The following CSRNP3 variants were observed in gnomAD, a reference collection of about 807,000 sequenced individuals.
CSRNP3 encodes the protein cysteine/serine-rich nuclear protein 3.
CSRNP3 carries 12 observed loss-of-function variants against 48.0 expected under a neutral mutation model. The observed-to-expected ratio is 0.25, with a 90% confidence interval of 0.16 to 0.41. CSRNP3 has a LOEUF of 0.41. CSRNP3 is among the 10% of genes least tolerant of loss of function. The pLI, the probability that CSRNP3 is intolerant of heterozygous loss-of-function variation, is 1.00. For missense variants in CSRNP3, 580 were observed against 724.4 expected, an observed-to-expected ratio of 0.80 and a Z score of 2.29; for synonymous variants, 263 against 269.7, an observed-to-expected ratio of 0.98 and a Z score of 0.24.
At chr2:165,662,619 T>A (rs949936490) in intron 5 of CSRNP3, among the ~76,000 whole-genome samples, 1 of 152,226 alleles carries the variant, frequency 6.6e-6, no homozygotes, top group Non-Finnish European at 1.5e-5. Context: ...TATTCCCAAT[T>A]CACATGTATC....
At chr2:165,506,025 G>T (rs928426784) in intron 2 of CSRNP3, among the ~76,000 whole-genome samples, 1 of 152,120 alleles carries the variant, frequency 6.6e-6, no homozygotes, top group Non-Finnish European at 1.5e-5. Flanking sequence ...GGCCAAAATG[G>T]ATTGGGGGTT....
At chr2:165,665,664 A>G (rs1240924751) in intron 5 of CSRNP3, among the ~76,000 whole-genome samples, 1 of 151,724 alleles carries the variant, frequency 6.6e-6, no homozygotes, top group East Asian at 2.0e-4. Flanking sequence ...GAAGGTTGTG[A>G]TGAGTGCATC....
intron 6 of CSRNP3, among the ~76,000 whole-genome samples, chr2:165,678,053 G>A (rs1050772987): frequency 5.9e-5 from 9 of 152,128 alleles, no homozygotes; most frequent in Non-Finnish European, 1.0e-4. Flanking sequence ...ATCCATTGCA[G>A]CGCTCCAGTA....
chr2:165,669,280 ATTTTTGT>A (rs1393302479), intron 5 of CSRNP3, among the ~76,000 whole-genome samples: 2 of 152,006 alleles, frequency 1.3e-5, no homozygotes, highest in African/African-American at 2.4e-5. Context: ...AAGTGTTTTT[ATTTTTGT>A]TTTTTGTTTT....
chr2:165,669,269 G>T (rs1323258882), intron 5 of CSRNP3, among the ~76,000 whole-genome samples: 3 of 152,160 alleles, frequency 2.0e-5, no homozygotes, highest in African/African-American at 4.8e-5. Flanking sequence ...GTGCTAAAAA[G>T]AAGTGTTTTT....
intron 4 of CSRNP3, among the ~76,000 whole-genome samples, chr2:165,645,997 G>A (rs1383759649): frequency 6.6e-6 from 1 of 151,750 alleles, no homozygotes; most frequent in East Asian, 1.9e-4. Context: ...CACCTGCATT[G>A]GCCTCCCAAA....
chr2:165,669,087 G>A (rs1687285310), intron 5 of CSRNP3, among the ~76,000 whole-genome samples: 1 of 152,132 alleles, frequency 6.6e-6, no homozygotes, highest in Admixed American at 6.5e-5. Flanking sequence ...TTTACTATAT[G>A]GCAGCTTAGG....
intron 2 of CSRNP3, among the ~76,000 whole-genome samples, chr2:165,516,462 A>G (rs1189381259): frequency 1.3e-5 from 2 of 152,086 alleles, no homozygotes; most frequent in African/African-American, 2.4e-5. Flanking sequence ...GTTGCTGTAC[A>G]CTCTCACCAC....
At position 165,685,108 on chromosome 2, in the gene CSRNP3, A is replaced by G. The variant is rs1687609099; in HGVS notation, c.*5355A>G. The G allele has an allele frequency of 6.6e-6, 1 of 152,118 alleles. No homozygotes were observed. The highest frequency in any genetic ancestry group is 2.1e-4 in the South Asian group (1 of 4,834). The allele number at this position is 152,118 out of a possible 1,614,324, so 9.4% of individuals were successfully genotyped here. On this transcript the variant is annotated 3_prime_UTR_variant, in exon 7 of 7. Transcript: ENST00000651982. ...AAATTTAAACACATTTTATATTAAA[A>G]TAAGTGATCAATGACTTTCATGATT...
chr2:165,558,352 A>G (rs947379973), intron 3 of CSRNP3, among the ~76,000 whole-genome samples: 31 of 152,194 alleles, frequency 2.0e-4, no homozygotes, highest in African/African-American at 7.2e-4. Context: ...ATAATTGCTG[A>G]TGAAGGGTTA....
intron 6 of CSRNP3, 126 bp from the exon 7 acceptor site, chr2:165,678,575 A>G: frequency 1.7e-6 from 2 of 1,150,314 alleles, no homozygotes; most frequent in Non-Finnish European, 2.4e-6. Context: ...TTTGGTTGTC[A>G]TTTGCTCTGG....
chr2:165,546,464 T>G (rs1265465144), intron 3 of CSRNP3, among the ~76,000 whole-genome samples: 5 of 152,168 alleles, frequency 3.3e-5, no homozygotes, highest in African/African-American at 1.2e-4. Context: ...GTGCTGGGAT[T>G]ACAGGCATGA....
chr2:165,612,051 A>G (rs1021353207), intron 4 of CSRNP3, among the ~76,000 whole-genome samples: 1 of 152,104 alleles, frequency 6.6e-6, no homozygotes, highest in Non-Finnish European at 1.5e-5. Flanking sequence ...TTTTTCTATA[A>G]AAGTTACCTT....
At chr2:165,515,801 CTTTTTTT>C (rs532831528) in intron 2 of CSRNP3, among the ~76,000 whole-genome samples, 4 of 106,060 alleles carry the variant, frequency 3.8e-5, no homozygotes, top group East Asian at 6.2e-4. Flanking sequence ...CTTTTCCTTT[CTTTTTTT>C]TTTTTTTTTT....
rs1200980872 is a variant in CSRNP3, at chr2:165,508,880, GT to G, written c.-112-8988del. On this transcript the variant is annotated intron_variant, in intron 2 of 6. Transcript: ENST00000651982. ...ATGGGTGCTCATTTGTTTCGGGTTA[GT>G]TTTTATGTTACTATGAAAAAGGCTA... Among the ~76,000 whole-genome samples the G allele has an allele frequency of 2.6e-5, 4 of 152,164 alleles. No homozygotes were observed. In the East Asian group the frequency reaches 7.7e-4, roughly 29 times the overall value.
At chr2:165,520,379 TAA>T (rs1316923303) in intron 3 of CSRNP3, among the ~76,000 whole-genome samples, 1 of 152,284 alleles carries the variant, frequency 6.6e-6, no homozygotes, top group East Asian at 1.9e-4. Context: ...GCTGTTATTT[TAA>T]AAGTCATTCG....
intron 2 of CSRNP3, among the ~76,000 whole-genome samples, chr2:165,499,416 AAAAG>A (rs1334962164): frequency 1.3e-5 from 2 of 152,162 alleles, no homozygotes; most frequent in Non-Finnish European, 2.9e-5. Flanking sequence ...TTAAAAGAAA[AAAAG>A]AGAGAGAGAC....
intron 4 of CSRNP3, among the ~76,000 whole-genome samples, chr2:165,646,584 A>G (rs1408213692): frequency 6.6e-6 from 1 of 152,206 alleles, no homozygotes; most frequent in Non-Finnish European, 1.5e-5. Flanking sequence ...TCATTGTGTC[A>G]GAATGCCTCA....
chr2:165,636,837 A>G (rs917825695), intron 4 of CSRNP3, among the ~76,000 whole-genome samples: 3 of 152,146 alleles, frequency 2.0e-5, no homozygotes, highest in Admixed American at 6.6e-5. Flanking sequence ...TTCATTTACT[A>G]ATTTTTTTTA....
Sources: allele counts gnomAD v4.1 joint callset (sites outside exome capture counted in the v4.1 genomes callset), GRCh38; gene constraint gnomAD v4.1.1; transcripts MANE v1.5; gene names NCBI Gene and HGNC (gene_info 2026-07-23, HGNC 2026-07-21).